LRP1B: variants seen among roughly 807,000 people sequenced by gnomAD.
LRP1B encodes low-density lipoprotein receptor-related protein 1B.
Under a neutral mutation model 556.6 loss-of-function variants are expected in LRP1B, and 217 were observed. The observed-to-expected ratio is 0.39, with a 90% CI of 0.35 to 0.44. LRP1B has a LOEUF of 0.44. Ranked by LOEUF, LRP1B falls within the 20% of genes least tolerant of loss-of-function variation. The pLI, the probability that LRP1B is intolerant of heterozygous loss-of-function variation, is 1.00. For missense variants in LRP1B, 5,053 were observed against 5,620.8 expected (o/e 0.90, Z 3.23); for synonymous variants, 2,047 against 1,865.8 (o/e 1.10, Z -2.50).
At chr2:140,697,194 C>T (rs1686460699) in intron 41 of LRP1B, among the ~76,000 whole-genome samples, 1 of 152,038 alleles carries the variant, frequency 6.6e-6, no homozygotes, top group African/African-American at 2.4e-5. Flanking sequence ...TTTTGGATGA[C>T]AGAATTAGAG....
chr2:141,994,784 T>C (rs116396423), intron 1 of LRP1B, among the ~76,000 whole-genome samples: 2,266 of 152,294 alleles, frequency 0.015, 54 homozygotes, highest in African/African-American at 0.051. Flanking sequence ...TATAGTTCTG[T>C]CCACCTTACA....
chr2:141,711,848 T>C (rs1692371453), intron 2 of LRP1B, among the ~76,000 whole-genome samples: 1 of 152,098 alleles, frequency 6.6e-6, no homozygotes, highest in Non-Finnish European at 1.5e-5. Context: ...TTCATGTGAC[T>C]TTCAGCTAAC....
In LRP1B at chr2:141,188,529, T is replaced by C; in HGVS notation, c.905A>G (p.His302Arg). The C allele has an allele frequency of 6.2e-7, 1 of 1,612,854 alleles. No individual in the cohort carries two copies. The highest frequency in any genetic ancestry group is 8.5e-7 in the Non-Finnish European group (1 of 1,179,250). The change falls in exon 7 of 91, where the codon CAT becomes CGT. Residue 302 changes from histidine to arginine, a missense_variant. By Grantham distance (29) the His-to-Arg change is conservative (BLOSUM62 0). Transcript: ENST00000389484. The stretch of plus-strand genomic sequence containing the variant: ...ACAAACAAAGATCCGGTCACCGACA[T>C]GGTCCACAAAATAGAGATTTCGAGT... ...WLTRNLYFVD[H>R]VGDRIFVCNS...
At chr2:140,899,334 T>C (rs926650176) in intron 23 of LRP1B, among the ~76,000 whole-genome samples, 2 of 152,174 alleles carry the variant, frequency 1.3e-5, no homozygotes, top group African/African-American at 4.8e-5. Flanking sequence ...AGTTCTCCAT[T>C]TGAGTCATGG....
intron 6 of LRP1B, among the ~76,000 whole-genome samples, chr2:141,194,698 T>C (rs1386818893): frequency 1.3e-5 from 2 of 152,084 alleles, no homozygotes; most frequent in Non-Finnish European, 2.9e-5. Context: ...AGCCTAGCCC[T>C]CTAATTAAAC....
At chr2:140,933,219 G>T (rs1259809323) in intron 20 of LRP1B, among the ~76,000 whole-genome samples, 1 of 151,948 alleles carries the variant, frequency 6.6e-6, no homozygotes, top group Non-Finnish European at 1.5e-5. Flanking sequence ...TGCAAATTCA[G>T]TTGAAGCTTC....
chr2:141,519,392 T>TATAC (rs1684451620), intron 2 of LRP1B, among the ~76,000 whole-genome samples: 1 of 20,338 alleles, frequency 4.9e-5, no homozygotes, highest in Admixed American at 4.6e-4. Context: ...TATATATATA[T>TATAC]ATATATATAT....
intron 35 of LRP1B, among the ~76,000 whole-genome samples, chr2:140,753,729 A>C (rs1255711544): frequency 6.6e-6 from 1 of 152,158 alleles, no homozygotes; most frequent in Admixed American, 6.5e-5. Flanking sequence ...TGGAAGTTTT[A>C]CTATGGACAG....
At chr2:141,600,206 C>A (rs7571949) in intron 2 of LRP1B, among the ~76,000 whole-genome samples, 1 of 152,058 alleles carries the variant, frequency 6.6e-6, no homozygotes, top group African/African-American at 2.4e-5. Context: ...TTGGTTAGAG[C>A]GGTCTTACTT....
chr2:141,572,910 CTA>C, intron 2 of LRP1B, among the ~76,000 whole-genome samples: 1 of 3,504 alleles, frequency 2.9e-4, no homozygotes, highest in Admixed American at 6.3e-3. Context: ...TTCTAAATAT[CTA>C]TGCCCTATGC....
intron 2 of LRP1B, among the ~76,000 whole-genome samples, chr2:141,508,970 T>C (rs770620461): frequency 6.6e-6 from 1 of 152,086 alleles, no homozygotes; most frequent in African/African-American, 2.4e-5. Flanking sequence ...TTGCAGTCAG[T>C]GAGACACAGA....
In LRP1B at chr2:140,773,807, G is replaced by T. The variant is rs76463686; in HGVS notation, c.5500+2291C>A. Among the ~76,000 whole-genome samples the T allele has an allele frequency of 3.3e-3, 496 of 151,842 alleles. 7 individuals carry two copies. The highest frequency in any genetic ancestry group is 0.011 in the African/African-American group (437 of 41,470). On this transcript the variant is annotated intron_variant, in intron 33 of 90. Transcript: ENST00000389484. ...GAAATGAATTCTTAGTTACAATAAG[G>T]TTCTTTTTCTGTTAAATATAAAGTA...
intron 83 of LRP1B, among the ~76,000 whole-genome samples, chr2:140,314,473 C>T (rs1360755404): frequency 6.6e-6 from 1 of 151,948 alleles, no homozygotes; most frequent in Non-Finnish European, 1.5e-5. Flanking sequence ...AGTGTGATGC[C>T]AAAAGAATAG....
At chr2:141,622,020 T>C (rs1481189009) in intron 2 of LRP1B, among the ~76,000 whole-genome samples, 1 of 151,994 alleles carries the variant, frequency 6.6e-6, no homozygotes. Flanking sequence ...GCCTCCCGAG[T>C]AGCTGGGGTT....
intron 66 of LRP1B, among the ~76,000 whole-genome samples, chr2:140,390,923 C>T (rs564314491): frequency 1.3e-5 from 2 of 151,836 alleles, no homozygotes; most frequent in Non-Finnish European, 1.5e-5. Context: ...TCAAAAAGGC[C>T]ATATCTAATT....
At chr2:140,369,632 CTA>C (rs1416114772) in intron 71 of LRP1B, among the ~76,000 whole-genome samples, 2 of 151,156 alleles carry the variant, frequency 1.3e-5, no homozygotes, top group Non-Finnish European at 2.9e-5. Context: ...GGTGCACTGT[CTA>C]TGAGTTAACC....
At chr2:141,817,827 G>A (rs1048177481) in intron 1 of LRP1B, among the ~76,000 whole-genome samples, 11 of 152,120 alleles carry the variant, frequency 7.2e-5, no homozygotes, top group Non-Finnish European at 1.5e-4. Context: ...TGTATAAAAG[G>A]ACACTATAGA....
intron 2 of LRP1B, among the ~76,000 whole-genome samples, chr2:141,482,941 T>C (rs931872550): frequency 3.7e-5 from 1 of 26,960 alleles, no homozygotes; most frequent in African/African-American, 5.5e-5. Context: ...CAAGATTTTT[T>C]GTTTTGTTTT....
At chr2:140,455,398 A>G (rs1687056014) in intron 62 of LRP1B, among the ~76,000 whole-genome samples, 1 of 152,170 alleles carries the variant, frequency 6.6e-6, no homozygotes. Flanking sequence ...AACACCTACT[A>G]TGTACCAGGA....
Sources: allele counts gnomAD v4.1 joint callset (sites outside exome capture counted in the v4.1 genomes callset), GRCh38; gene constraint gnomAD v4.1.1; transcripts MANE v1.5; gene names NCBI Gene and HGNC (gene_info 2026-07-23, HGNC 2026-07-21).